The following ITPR2 variants were observed in gnomAD, a reference collection of about 807,000 sequenced individuals.
ITPR2 encodes inositol 1,4,5-trisphosphate receptor type 2, also known as inositol 1,4,5-trisphosphate-gated calcium channel ITPR2.
Under a neutral mutation model 317.1 loss-of-function variants are expected in ITPR2, and 207 were observed. The observed-to-expected ratio is 0.65, with a 90% confidence interval of 0.58 to 0.73. The LOEUF is 0.73. ITPR2 is among the 30% of genes least tolerant of loss of function. The probability of loss-of-function intolerance (pLI) is 0.00; values close to 1 mark genes in which losing one functional copy is unlikely to be tolerated. For missense variants in ITPR2, 2,613 were observed against 3,284.0 expected (o/e 0.80, Z 4.99); for synonymous variants, 1,156 against 1,149.1 (o/e 1.01, Z -0.12).
At chr12:26,340,739 G>A (rs1012418984) in intron 55 of ITPR2, among the ~76,000 whole-genome samples, 3 of 152,126 alleles carry the variant, frequency 2.0e-5, no homozygotes, top group African/African-American at 7.2e-5. Context: ...TAGGAAAGTG[G>A]TAAAAGAAAT....
intron 2 of ITPR2, among the ~76,000 whole-genome samples, chr12:26,785,256 G>A (rs1191147477): frequency 2.6e-5 from 1 of 37,886 alleles, no homozygotes; most frequent in African/African-American, 6.1e-5. Context: ...ACTGGGAAGT[G>A]AGGAGCCCCT....
intron 45 of ITPR2, among the ~76,000 whole-genome samples, chr12:26,448,369 T>TG (rs111476579): frequency 2.3e-4 from 34 of 149,406 alleles, no homozygotes; most frequent in African/African-American, 7.1e-4. Flanking sequence ...GGAAATGCCA[T>TG]GGGGGGGAAA....
intron 55 of ITPR2, among the ~76,000 whole-genome samples, chr12:26,344,996 TCTC>T (rs1938257996): frequency 6.6e-6 from 1 of 152,214 alleles, no homozygotes; most frequent in South Asian, 2.1e-4. Flanking sequence ...CAGCCTTTTC[TCTC>T]CTACCTTTCT....
chr12:26,617,750 CAGA>C (rs1946404376), intron 26 of ITPR2, among the ~76,000 whole-genome samples: 1 of 80,184 alleles, frequency 1.2e-5, no homozygotes, highest in African/African-American at 5.8e-5. Flanking sequence ...GAAGGAAGGA[CAGA>C]AGGAGGGAGG....
chr12:26,390,719 A>C (rs1939807260), intron 54 of ITPR2, among the ~76,000 whole-genome samples: 1 of 152,214 alleles, frequency 6.6e-6, no homozygotes, highest in African/African-American at 2.4e-5. Flanking sequence ...GTACATATTA[A>C]ATGGGTGAAT....
chr12:26,681,871 T>TACCC lies in ITPR2; in HGVS notation c.1409+2_1409+3insGGGT. The TACCC allele has an allele frequency of 6.3e-7, 1 of 1,596,508 alleles. No individual in the cohort carries two copies. ...ATTATTTAAGACCAATTTAAAGAGTTACCTCCTTTCATTCTGAGTTATTGT... is the reference window on the plus strand; with the variant it reads ...ATTATTTAAGACCAATTTAAAGAGTTACCCACCTCCTTTCATTCTGAGTTATTGT... On this transcript the variant is annotated splice_region_variant and intron_variant, in intron 13 of 56. Coordinates refer to ENST00000381340, the MANE Select transcript of ITPR2 (RefSeq NM_002223.4).
chr12:26,648,314 G>A (rs181437197), intron 21 of ITPR2, among the ~76,000 whole-genome samples: 1 of 152,234 alleles, frequency 6.6e-6, no homozygotes, highest in Admixed American at 6.5e-5. Context: ...GCTCTCCTGC[G>A]TCTGACCTGC....
At chr12:26,806,555 G>A (rs1336489152) in intron 1 of ITPR2, among the ~76,000 whole-genome samples, 3 of 152,146 alleles carry the variant, frequency 2.0e-5, no homozygotes, top group Admixed American at 6.5e-5. Context: ...CCTTCACTAC[G>A]TCTTAAGGGG....
intron 44 of ITPR2, 131 bp downstream of exon 44, chr12:26,476,781 G>A: frequency 1.6e-6 from 1 of 621,024 alleles, no homozygotes; most frequent in East Asian, 2.8e-5. Context: ...ATTGGTAATG[G>A]TAGGTCATGA....
At chr12:26,526,076 T>C (rs1459946988) in intron 37 of ITPR2, among the ~76,000 whole-genome samples, 1 of 152,228 alleles carries the variant, frequency 6.6e-6, no homozygotes, top group East Asian at 1.9e-4. Flanking sequence ...TTCTTTCTCC[T>C]CTGCTTATAT....
chr12:26,769,235 T>C (rs1334454644), intron 2 of ITPR2, among the ~76,000 whole-genome samples: 5 of 152,200 alleles, frequency 3.3e-5, no homozygotes, highest in African/African-American at 1.2e-4. Flanking sequence ...TCTATTGGGT[T>C]ATTATCCACC....
intron 37 of ITPR2, among the ~76,000 whole-genome samples, chr12:26,502,926 A>T (rs917324856): frequency 1.3e-5 from 2 of 152,210 alleles, no homozygotes; most frequent in Non-Finnish European, 2.9e-5. Flanking sequence ...GAAGACAGGC[A>T]CAACTTTGGA....
chr12:26,435,329 T>G (rs1331736473), intron 48 of ITPR2, among the ~76,000 whole-genome samples: 1 of 152,008 alleles, frequency 6.6e-6, no homozygotes, highest in Non-Finnish European at 1.5e-5. Flanking sequence ...TGAACTTTAT[T>G]GAAGGTTTAT....
intron 52 of ITPR2, among the ~76,000 whole-genome samples, chr12:26,400,489 C>T (rs191865396): frequency 2.0e-5 from 3 of 152,150 alleles, no homozygotes; most frequent in Admixed American, 6.5e-5. Flanking sequence ...AGCAAACTTA[C>T]GTTTTAAAAA....
At chr12:26,339,641 T>C (rs1938039059) in intron 56 of ITPR2, among the ~76,000 whole-genome samples, 158 bp from the exon 57 acceptor site, 2 of 152,122 alleles carry the variant, frequency 1.3e-5, no homozygotes, top group Non-Finnish European at 2.9e-5. Context: ...AAAGTGAATT[T>C]CCATAAACAG....
chr12:26,434,537 C>G (rs1304879265), intron 48 of ITPR2, among the ~76,000 whole-genome samples: 2 of 152,126 alleles, frequency 1.3e-5, no homozygotes, highest in Non-Finnish European at 2.9e-5. Flanking sequence ...TACATTGGCT[C>G]TGGTGGTCAA....
intron 32 of ITPR2, among the ~76,000 whole-genome samples, chr12:26,584,299 T>C (rs903184640): frequency 6.6e-6 from 1 of 152,140 alleles, no homozygotes; most frequent in African/African-American, 2.4e-5. Flanking sequence ...AACGTTTCTG[T>C]GGGAAGAGCA....
At chr12:26,748,618 G>GTGTC (rs3064571) in intron 2 of ITPR2, among the ~76,000 whole-genome samples, 14,721 of 152,108 alleles carry the variant, frequency 0.097, 1,778 homozygotes, top group East Asian at 0.51. Context: ...TATCCACTGG[G>GTGTC]TGTCTCATTT....
At chr12:26,610,221 G>C (rs1388229024) in intron 26 of ITPR2, among the ~76,000 whole-genome samples, 2 of 152,218 alleles carry the variant, frequency 1.3e-5, no homozygotes, top group Non-Finnish European at 2.9e-5. Flanking sequence ...TCTGTCAAAA[G>C]TCAGCTAATC....
Sources: gnomAD v4.1 joint callset for allele counts (sites outside exome capture counted in the v4.1 genomes callset) on GRCh38, gnomAD v4.1.1 for gene constraint, MANE v1.5 for transcripts, NCBI Gene and HGNC (gene_info 2026-07-23, HGNC 2026-07-21) for gene names.